The following BMPER variants were observed in gnomAD, a reference collection of about 807,000 sequenced individuals.
BMPER encodes the protein BMP binding endothelial regulator, also known as BMP-binding endothelial regulator protein.
Under a neutral mutation model 87.3 loss-of-function variants are expected in BMPER, and 45 were observed. The ratio of observed to expected loss-of-function variants is 0.52; its 90% CI spans 0.41 to 0.66. The LOEUF is 0.66. BMPER is among the 30% of genes least tolerant of loss of function. BMPER has a pLI of 0.00. For synonymous variants in BMPER, 326 were observed against 316.2 expected (o/e 1.03, Z -0.33); for missense variants, 784 against 867.5 (o/e 0.90, Z 1.21).
Position 33,974,794 on chromosome 7 carries a change from G to A in BMPER, c.576+10G>A. On this transcript the variant is annotated intron_variant, in intron 6 of 14. Coordinates refer to ENST00000649409, the MANE Select transcript of BMPER (RefSeq NM_001365308.1). ...CAAGTGTTCCTGCACTGTAAGTCCT[G>A]CTGTGGATGTTCCCAGGGTGTCCTT... The A allele has an allele frequency of 6.2e-7, 1 of 1,613,164 alleles. No homozygotes were observed. The highest frequency in any genetic ancestry group is 1.1e-5 in the South Asian group (1 of 91,054).
chr7:34,031,746 T>A (rs1244701858), intron 6 of BMPER, among the ~76,000 whole-genome samples: 4 of 151,750 alleles, frequency 2.6e-5, no homozygotes, highest in Non-Finnish European at 5.9e-5. Flanking sequence ...CATTGTTGCA[T>A]ATAATTTTCA....
intron 6 of BMPER, among the ~76,000 whole-genome samples, chr7:34,019,948 G>A (rs1256109566): frequency 1.4e-5 from 2 of 147,664 alleles, no homozygotes; most frequent in African/African-American, 5.0e-5. Flanking sequence ...TTTTTTAGAA[G>A]GTTTTTTTTT....
chr7:33,982,158 GCT>G (rs1785881476), intron 6 of BMPER, among the ~76,000 whole-genome samples: 1 of 152,214 alleles, frequency 6.6e-6, no homozygotes, highest in African/African-American at 2.4e-5. Context: ...GCCCAACTGT[GCT>G]GTTTCTCCTT....
At chr7:34,058,027 C>G (rs1409061941) in intron 9 of BMPER, 32 bp from the exon 10 acceptor site, 1 of 1,584,384 alleles carries the variant, frequency 6.3e-7, no homozygotes, top group Non-Finnish European at 8.7e-7. Flanking sequence ...CAGCCTCCAG[C>G]TGCTGACAGG....
intron 1 of BMPER, among the ~76,000 whole-genome samples, chr7:33,906,064 A>C (rs554070302): frequency 6.6e-6 from 1 of 152,270 alleles, no homozygotes; most frequent in East Asian, 1.9e-4. Context: ...TCAGGAAAAA[A>C]ATTTGTGCAG....
At chr7:33,992,690 T>A (rs1225355079) in intron 6 of BMPER, among the ~76,000 whole-genome samples, 2 of 150,846 alleles carry the variant, frequency 1.3e-5, no homozygotes, top group Non-Finnish European at 3.0e-5. Flanking sequence ...TGCTTATTAG[T>A]TGATGCAGTT....
intron 7 of BMPER, among the ~76,000 whole-genome samples, chr7:34,047,233 G>A (rs746416383): frequency 3.3e-5 from 5 of 151,812 alleles, no homozygotes; most frequent in Non-Finnish European, 7.4e-5. Context: ...GAGGTTCTTT[G>A]GCTTTTGCTT....
intron 13 of BMPER, among the ~76,000 whole-genome samples, chr7:34,130,167 T>G (rs73690167): frequency 0.023 from 3,300 of 144,246 alleles, 115 homozygotes; most frequent in African/African-American, 0.081. Context: ...GCAAAATGTG[T>G]TCAAGTCTTC....
intron 2 of BMPER, among the ~76,000 whole-genome samples, chr7:33,911,358 TG>T (rs1043013454): frequency 1.5e-4 from 23 of 152,230 alleles, no homozygotes; most frequent in Non-Finnish European, 2.4e-4. Flanking sequence ...GAGACAGAAC[TG>T]GGATGTGAAG....
In BMPER at chr7:33,953,345, A is replaced by T. The variant is rs11972184; in HGVS notation, c.320-13134A>T. Reference sequence around the variant, plus strand: ...ATAATAGTCATAAAGACCCTCAGTTATTTGAAGAATGAAGTGAAAAGAAGA... The same window carrying T: ...ATAATAGTCATAAAGACCCTCAGTTTTTTGAAGAATGAAGTGAAAAGAAGA... On this transcript the variant is annotated intron_variant, in intron 3 of 14. Coordinates refer to ENST00000649409, the MANE Select transcript of BMPER (RefSeq NM_001365308.1). 4.1e-3 allele frequency among the ~76,000 whole-genome samples: 629 copies of T among 152,370 alleles called. 7 individuals carry two copies. The highest frequency in any genetic ancestry group is 0.014 in the African/African-American group (599 of 41,590).
intron 10 of BMPER, among the ~76,000 whole-genome samples, chr7:34,059,261 CA>C (rs1288996411): frequency 6.6e-6 from 1 of 152,110 alleles, no homozygotes; most frequent in Non-Finnish European, 1.5e-5. Flanking sequence ...TTCTACAAGA[CA>C]AAAACAGGAT....
intron 6 of BMPER, among the ~76,000 whole-genome samples, chr7:34,009,166 A>G (rs1220009521): frequency 6.6e-6 from 1 of 151,888 alleles, no homozygotes; most frequent in Non-Finnish European, 1.5e-5. Flanking sequence ...CAGCCTCCCA[A>G]GTAGCTGGGA....
chr7:34,042,111 G>A (rs1238664761), intron 6 of BMPER, among the ~76,000 whole-genome samples: 1 of 152,008 alleles, frequency 6.6e-6, no homozygotes, highest in Non-Finnish European at 1.5e-5. Context: ...TGCTGCTCTA[G>A]GTAAACTTTT....
chr7:33,967,120 A>G (rs1156597472), intron 4 of BMPER, among the ~76,000 whole-genome samples: 2 of 152,242 alleles, frequency 1.3e-5, no homozygotes, highest in East Asian at 3.8e-4. Flanking sequence ...ACATGGCTCT[A>G]ACCCCATCAG....
chr7:34,073,370 T>G (rs955276860), intron 11 of BMPER, among the ~76,000 whole-genome samples: 1 of 152,232 alleles, frequency 6.6e-6, no homozygotes, highest in Non-Finnish European at 1.5e-5. Context: ...GCTACAAACC[T>G]GTACAGTACA....
rs563298304 is a variant in BMPER at position 33,957,081 on chromosome 7, A to G, written c.320-9398A>G. ...ACTTACCACATGACCCAGTAATTGC[A>G]CTCTTGAGCATTTATGCCAGTGAAA... On this transcript the variant is annotated intron_variant, in intron 3 of 14. Coordinates refer to ENST00000649409, the MANE Select transcript of BMPER (RefSeq NM_001365308.1). Among the ~76,000 whole-genome samples the G allele has an allele frequency of 2.5e-4, 38 of 152,122 alleles. 1 individual carries two copies. The South Asian group carries it at 7.7e-3, about 31-fold the overall frequency.
intron 11 of BMPER, among the ~76,000 whole-genome samples, chr7:34,062,751 C>T (rs1788469847): frequency 6.6e-6 from 1 of 152,116 alleles, no homozygotes; most frequent in Admixed American, 6.6e-5. Context: ...CAGCGTGTCG[C>T]TGTACTGAAT....
intron 6 of BMPER, among the ~76,000 whole-genome samples, chr7:34,001,019 A>G (rs768340180): frequency 6.6e-6 from 1 of 151,826 alleles, no homozygotes; most frequent in Non-Finnish European, 1.5e-5. Context: ...CCAACCTTAC[A>G]TTTCTGCGAT....
At chr7:34,006,727 G>T (rs540419956) in intron 6 of BMPER, among the ~76,000 whole-genome samples, 1 of 152,038 alleles carries the variant, frequency 6.6e-6, no homozygotes, top group African/African-American at 2.4e-5. Context: ...TTCAGTTATG[G>T]ACGTCTGTGT....
Sources: gnomAD v4.1 joint callset for allele counts (sites outside exome capture counted in the v4.1 genomes callset) on GRCh38, gnomAD v4.1.1 for gene constraint, MANE v1.5 for transcripts, NCBI Gene and HGNC (gene_info 2026-07-23, HGNC 2026-07-21) for gene names.